Variants in ISM2 observed in about 807,000 individuals in gnomAD.
The protein encoded by ISM2 is isthmin 2, also known as isthmin-2.
A neutral mutation model predicts 58.0 loss-of-function variants in ISM2; 50 were observed. The observed-to-expected ratio is 0.86, with a 90% confidence interval of 0.69 to 1.09. The LOEUF is 1.09. Among genes scored for constraint, ISM2 ranks in the 50% least tolerant of loss-of-function variants. ISM2 has a pLI of 0.00. For synonymous variants in ISM2, 303 were observed against 312.4 expected (o/e 0.97, Z 0.32); for missense variants, 723 against 745.0 (o/e 0.97, Z 0.34).
At chr14:77,483,317 TG>T (rs1448032943) in intron 3 of ISM2, among the ~76,000 whole-genome samples, 2 of 152,168 alleles carry the variant, frequency 1.3e-5, no homozygotes, top group Non-Finnish European at 2.9e-5. Context: ...CCCAGCACTT[TG>T]GGAGGCCGAG....
chr14:77,478,545 C>T (rs1459673957), intron 5 of ISM2, 30 bp downstream of exon 5: 2 of 1,601,490 alleles, frequency 1.2e-6, no homozygotes, highest in African/African-American at 1.3e-5. Flanking sequence ...GCACCAGCCA[C>T]TCCTATGCAG....
In ISM2 at chr14:77,475,898, C is replaced by T. The variant is rs371716934; in HGVS notation, c.1413G>A (p.Thr471=). 1.2e-4 allele frequency: 195 copies of T among 1,602,992 alleles called. No homozygotes were observed. The highest frequency in any genetic ancestry group is 1.6e-4 in the Non-Finnish European group (184 of 1,179,892). ...GCATGGAACGCAGGCAGAAGCGCGC[C>T]GTGGGCTGGTAGATGTCCAGGCGCT... ...PRERLDIYQP[T]ARFCLRSMLS... The change falls in exon 7 of 7, where the codon ACG becomes ACA. Residue 471 remains threonine (T), a synonymous_variant. Transcript: ENST00000342219. The surrounding 1 kb of genome is among the most constrained non-coding windows in gnomAD (Gnocchi z 4.1).
chr14:77,490,793 G>A (rs1427446114), intron 1 of ISM2, among the ~76,000 whole-genome samples: 1 of 152,318 alleles, frequency 6.6e-6, no homozygotes, highest in African/African-American at 2.4e-5. Context: ...AGGCCTCTGG[G>A]CAGCCAAGCT....
rs190314138 is a variant in ISM2, at chr14:77,484,273, C to T, written c.627+50G>A. On this transcript the variant is annotated intron_variant, in intron 3 of 6. Transcript: ENST00000342219. ...TATCCTGAGCCCACCTTGTCAGCCC[C>T]GCTCCTCTCCGGGTGTCTGCAGGGC... 144 of 1,586,320 alleles carry T rather than the reference C, an allele frequency of 9.1e-5. No homozygotes were observed. In the East Asian group the frequency reaches 2.7e-3, roughly 29 times the overall value.
chr14:77,498,518 G>C (rs1359294652), intron 1 of ISM2, 135 bp downstream of exon 1: 166 of 1,308,652 alleles, frequency 1.3e-4, no homozygotes, highest in Non-Finnish European at 1.7e-4. Context: ...GCTTCCGGCC[G>C]GCCCCGGCCC....
chr14:77,493,340 C>T (rs1040041198), intron 1 of ISM2, among the ~76,000 whole-genome samples: 3 of 152,098 alleles, frequency 2.0e-5, no homozygotes, highest in Non-Finnish European at 4.4e-5. Context: ...GTGTCTGGTG[C>T]TTTTTCACCC....
intron 5 of ISM2, 79 bp downstream of exon 5, chr14:77,478,496 C>T: frequency 6.4e-7 from 1 of 1,554,426 alleles, no homozygotes; most frequent in Non-Finnish European, 8.8e-7. Context: ...CTCCCAAGCC[C>T]ACCCACATTC....
chr14:77,497,137 A>C (rs1410205097), intron 1 of ISM2, among the ~76,000 whole-genome samples: 1 of 152,038 alleles, frequency 6.6e-6, no homozygotes, highest in African/African-American at 2.4e-5. Context: ...TGGGAGGCCG[A>C]GGCAGGTGGA....
intron 6 of ISM2, among the ~76,000 whole-genome samples, chr14:77,476,954 C>G (rs2079102251): frequency 6.6e-6 from 1 of 152,188 alleles, no homozygotes; most frequent in South Asian, 2.1e-4. Context: ...ATGAGAATCA[C>G]TTGAACCCAG....
intron 4 of ISM2, 68 bp downstream of exon 4, chr14:77,482,254 C>G: frequency 8.0e-7 from 1 of 1,252,304 alleles, no homozygotes; most frequent in Non-Finnish European, 1.1e-6. Context: ...CCACCCTCTC[C>G]CTCACCCCCA....
chr14:77,484,572 AAG>A lies in ISM2; in HGVS notation c.385-9_385-8del. 1.9e-6 allele frequency: 3 copies of A among 1,552,274 alleles called. No homozygotes were observed. Among genetic ancestry groups the A allele is most frequent in the Non-Finnish European group, 2.6e-6 (3 of 1,149,650 alleles). On this transcript the variant is annotated splice_polypyrimidine_tract_variant and splice_region_variant and intron_variant, in intron 2 of 6. Transcript: ENST00000342219. The stretch of plus-strand genomic sequence containing the variant: ...GATCTGGGGAGGCTGAAGCCTGAGG[AAG>A]AGAGAGGGAAGGTGAGGTGACAGGT...
At chr14:77,490,409 G>A (rs1035598236) in intron 1 of ISM2, among the ~76,000 whole-genome samples, 39 of 61,690 alleles carry the variant, frequency 6.3e-4, no homozygotes, top group Non-Finnish European at 1.6e-4. Flanking sequence ...CAGTCTTGCC[G>A]ATCACCCTAT....
At chr14:77,486,696 T>C (rs2079169939) in intron 1 of ISM2, among the ~76,000 whole-genome samples, 1 of 152,170 alleles carries the variant, frequency 6.6e-6, no homozygotes, top group Non-Finnish European at 1.5e-5. Context: ...CTGTGCAGCC[T>C]TTTGGCTGAT....
At chr14:77,498,296 CCT>C (rs1371027580) in intron 1 of ISM2, 1 of 1,342,134 alleles carries the variant, frequency 7.5e-7, no homozygotes, top group Non-Finnish European at 9.8e-7. Flanking sequence ...CGGCGGGACT[CCT>C]CTCCGAGCTA....
At chr14:77,484,223 C>T in intron 3 of ISM2, 100 bp downstream of exon 3, 3 of 1,470,550 alleles carry the variant, frequency 2.0e-6, no homozygotes, top group Non-Finnish European at 2.8e-6. Context: ...GCAGCCCCAC[C>T]CTCCACGGAA....
intron 1 of ISM2, chr14:77,498,435 C>T (rs1271535161): frequency 2.8e-5 from 34 of 1,227,026 alleles, no homozygotes; most frequent in Non-Finnish European, 3.7e-5. Flanking sequence ...CCGCGGCAGC[C>T]CGGCTCGCGG....
At chr14:77,488,754 C>A (rs1383086693) in intron 1 of ISM2, among the ~76,000 whole-genome samples, 2 of 152,188 alleles carry the variant, frequency 1.3e-5, no homozygotes, top group Non-Finnish European at 2.9e-5. Context: ...ATCAGGGGCA[C>A]CCCCCTCGCC....
intron 6 of ISM2, 141 bp from the exon 7 acceptor site, chr14:77,476,253 G>T: frequency 1.1e-6 from 1 of 884,894 alleles, no homozygotes; most frequent in Non-Finnish European, 1.7e-6. Flanking sequence ...GTAGGGCCTT[G>T]GGGATGGAGA....
chr14:77,478,140 C>T, intron 6 of ISM2, 102 bp downstream of exon 6: 1 of 930,800 alleles, frequency 1.1e-6, no homozygotes, highest in Non-Finnish European at 1.7e-6. Flanking sequence ...GTGCTCTCTG[C>T]CTAGTGGAAA....
Sources: gnomAD v4.1 joint callset for allele counts (sites outside exome capture counted in the v4.1 genomes callset) on GRCh38, gnomAD v4.1.1 for gene constraint, Gnocchi (gnomAD v3.1) non-coding constraint, MANE v1.5 for transcripts, NCBI Gene and HGNC (gene_info 2026-07-23, HGNC 2026-07-21) for gene names.